The following PDE3A variants were observed in gnomAD, a reference collection of about 807,000 sequenced individuals.
PDE3A encodes the protein cGMP-inhibited 3',5'-cyclic phosphodiesterase 3A.
Under a neutral mutation model 98.3 loss-of-function variants are expected in PDE3A, and 43 were observed. The observed-to-expected ratio is 0.44, with a 90% confidence interval of 0.34 to 0.56. The LOEUF is 0.56. Ranked by LOEUF, PDE3A falls within the 20% of genes least tolerant of loss-of-function variation. The probability of loss-of-function intolerance (pLI) is 0.01; values close to 1 mark genes in which losing one functional copy is unlikely to be tolerated. For synonymous variants in PDE3A, 663 were observed against 567.9 expected (o/e 1.17, Z -2.38); for missense variants, 1,427 against 1,440.7 (o/e 0.99, Z 0.15).
In PDE3A at chr12:20,527,807, CT is replaced by C. The variant is rs556441771; in HGVS notation, c.961-28847del. 3.1e-3 allele frequency among the ~76,000 whole-genome samples: 469 copies of C among 151,906 alleles called. 1 individual carries two copies. Among genetic ancestry groups the C allele is most frequent in the Non-Finnish European group, 4.8e-3 (326 of 67,980 alleles). Reference sequence around the variant, plus strand: ...ATAATACCCGATGCCAGGGGCAAAACTTTTTTCCCCCCATTATATTGTTATT... The same window carrying C: ...ATAATACCCGATGCCAGGGGCAAAACTTTTTCCCCCCATTATATTGTTATT... On this transcript the variant is annotated intron_variant, in intron 1 of 15. Coordinates refer to ENST00000359062, the MANE Select transcript of PDE3A (RefSeq NM_000921.5).
chr12:20,493,822 G>T (rs1193046246), intron 1 of PDE3A, among the ~76,000 whole-genome samples: 5 of 152,172 alleles, frequency 3.3e-5, no homozygotes, highest in Non-Finnish European at 7.3e-5. Flanking sequence ...TAGAGACAGG[G>T]TTTCTCCATG....
At chr12:20,652,023 G>GT (rs1441291434) in intron 14 of PDE3A, among the ~76,000 whole-genome samples, 6 of 151,806 alleles carry the variant, frequency 4.0e-5, no homozygotes, top group African/African-American at 1.2e-4. Flanking sequence ...GCGGTGTTTG[G>GT]TTTTTTGTCC....
At chr12:20,377,107 A>G (rs1943586802) in intron 1 of PDE3A, among the ~76,000 whole-genome samples, 1 of 151,726 alleles carries the variant, frequency 6.6e-6, no homozygotes, top group African/African-American at 2.4e-5. Flanking sequence ...ATGTGCATTT[A>G]TGATTTGTGT....
chr12:20,386,069 T>TG, intron 1 of PDE3A, among the ~76,000 whole-genome samples: 1 of 12,062 alleles, frequency 8.3e-5, no homozygotes, highest in Admixed American at 1.7e-3. Context: ...TAAATATATA[T>TG]AAAATATATA....
At chr12:20,513,042 G>A (rs1468445649) in intron 1 of PDE3A, among the ~76,000 whole-genome samples, 1 of 151,956 alleles carries the variant, frequency 6.6e-6, no homozygotes, top group Non-Finnish European at 1.5e-5. Context: ...TTTGCCAAAG[G>A]ATGTTGTCAA....
chr12:20,602,180 GTCA>G (rs1943608428), intron 2 of PDE3A, among the ~76,000 whole-genome samples: 1 of 152,188 alleles, frequency 6.6e-6, no homozygotes, highest in Non-Finnish European at 1.5e-5. Context: ...TGTGTGAGCA[GTCA>G]CATGAGTAGC....
intron 1 of PDE3A, among the ~76,000 whole-genome samples, chr12:20,472,695 T>C (rs1945460676): frequency 6.6e-6 from 1 of 152,182 alleles, no homozygotes; most frequent in Admixed American, 6.5e-5. Flanking sequence ...GTTTAAATCA[T>C]ATCAGGGTTT....
intron 1 of PDE3A, among the ~76,000 whole-genome samples, chr12:20,448,169 C>A (rs12815826): frequency 1.3e-5 from 2 of 152,026 alleles, no homozygotes; most frequent in Non-Finnish European, 2.9e-5. Context: ...GAGGTGGTGG[C>A]TCACGCCCGT....
chr12:20,507,334 C>T (rs778420917), intron 1 of PDE3A, among the ~76,000 whole-genome samples: 4 of 151,930 alleles, frequency 2.6e-5, no homozygotes, highest in Non-Finnish European at 5.9e-5. Context: ...AAGTTCAAGT[C>T]TGTAAAAACT....
chr12:20,487,196 A>G (rs2121029817), intron 1 of PDE3A, among the ~76,000 whole-genome samples: 1 of 152,198 alleles, frequency 6.6e-6, no homozygotes, highest in Non-Finnish European at 1.5e-5. Context: ...GTAGAACTAA[A>G]GAATAATTTA....
intron 1 of PDE3A, chr12:20,449,677 T>A: frequency 2.3e-6 from 1 of 434,846 alleles, no homozygotes; most frequent in Non-Finnish European, 4.3e-6. Context: ...CTCTGTAAAC[T>A]TCAGCATTCT....
intron 1 of PDE3A, among the ~76,000 whole-genome samples, chr12:20,519,843 A>G (rs551154211): frequency 6.6e-6 from 1 of 152,276 alleles, no homozygotes; most frequent in South Asian, 2.1e-4. Context: ...GGGTTTTGGA[A>G]GATGAGCTGG....
intron 14 of PDE3A, among the ~76,000 whole-genome samples, chr12:20,651,198 C>T (rs1041329189): frequency 9.2e-5 from 14 of 152,102 alleles, no homozygotes; most frequent in Non-Finnish European, 1.9e-4. Context: ...TAACAGACTA[C>T]TCAGAAAGCT....
Position 20,625,000 on chromosome 12 carries a change from A to G in PDE3A, c.1540+3589A>G, listed in dbSNP as rs935272808. Among the ~76,000 whole-genome samples the G allele has an allele frequency of 2.6e-5, 4 of 152,202 alleles. No individual in the cohort carries two copies. The East Asian group carries it at 7.7e-4, about 29-fold the overall frequency. On this transcript the variant is annotated intron_variant, in intron 5 of 15. Transcript: ENST00000359062. Reference sequence around the variant, plus strand: ...AGGAAACATGTAGCAGCAATAGGCAATGAGGCGGAGGGAAAGCGAGTATGA... The same window carrying G: ...AGGAAACATGTAGCAGCAATAGGCAGTGAGGCGGAGGGAAAGCGAGTATGA...
intron 1 of PDE3A, among the ~76,000 whole-genome samples, chr12:20,521,931 G>A (rs1946436746): frequency 6.6e-6 from 1 of 152,148 alleles, no homozygotes; most frequent in Admixed American, 6.5e-5. Flanking sequence ...TGCAGTTTAT[G>A]TAGCATTTTC....
intron 1 of PDE3A, among the ~76,000 whole-genome samples, chr12:20,491,192 G>A (rs1945819651): frequency 6.6e-6 from 1 of 152,178 alleles, no homozygotes; most frequent in Non-Finnish European, 1.5e-5. Flanking sequence ...CCGATTCAGT[G>A]CCACAAAACC....
intron 1 of PDE3A, among the ~76,000 whole-genome samples, chr12:20,525,468 G>T (rs1034807520): frequency 1.6e-4 from 15 of 91,984 alleles, no homozygotes; most frequent in African/African-American, 4.5e-4. Flanking sequence ...TGATTTGGTT[G>T]GGGGGGGGGG....
At chr12:20,407,612 G>T (rs1944256049) in intron 1 of PDE3A, among the ~76,000 whole-genome samples, 1 of 152,100 alleles carries the variant, frequency 6.6e-6, no homozygotes. Flanking sequence ...ATTAGATGGG[G>T]TAGATGCAAG....
intron 2 of PDE3A, among the ~76,000 whole-genome samples, chr12:20,605,284 A>G (rs1479139660): frequency 6.6e-6 from 1 of 152,186 alleles, no homozygotes; most frequent in Non-Finnish European, 1.5e-5. Flanking sequence ...CAAATAGCCT[A>G]TTCCTTGTGA....
Sources: allele counts gnomAD v4.1 joint callset (sites outside exome capture counted in the v4.1 genomes callset), GRCh38; gene constraint gnomAD v4.1.1; transcripts MANE v1.5; gene names NCBI Gene and HGNC (gene_info 2026-07-23, HGNC 2026-07-21).